The following RARB variants were observed in gnomAD, a reference collection of about 807,000 sequenced individuals.
RARB encodes the protein HBV-activated protein.
In RARB, 17 loss-of-function variants were observed where a neutral mutation model predicts 51.9. The ratio of observed to expected loss-of-function variants is 0.33; its 90% CI spans 0.22 to 0.49. The LOEUF (loss-of-function observed/expected upper bound fraction) is 0.49, where lower values mean the gene tolerates loss of function less well. Among genes scored for constraint, RARB ranks in the 20% least tolerant of loss-of-function variants. The pLI, the probability that RARB is intolerant of heterozygous loss-of-function variation, is 0.99. For missense variants in RARB, 369 were observed against 550.8 expected (o/e 0.67, Z 3.30); for synonymous variants, 215 against 195.4 (o/e 1.10, Z -0.84).
chr3:25,167,399 G>A (rs1002388741), intron 4 of RARB, among the ~76,000 whole-genome samples: 1 of 152,148 alleles, frequency 6.6e-6, no homozygotes, highest in African/African-American at 2.4e-5. Context: ...AACTTTTTTG[G>A]AAGATGGACA....
intron 4 of RARB, among the ~76,000 whole-genome samples, chr3:25,149,882 A>G (rs775608630): frequency 2.2e-4 from 33 of 151,912 alleles, no homozygotes; most frequent in Non-Finnish European, 3.8e-4. Flanking sequence ...ACCCATATGC[A>G]TAAGCAGCAG....
intron 2 of RARB, among the ~76,000 whole-genome samples, chr3:24,942,643 G>A (rs1383032879): frequency 6.6e-6 from 1 of 152,106 alleles, no homozygotes; most frequent in Non-Finnish European, 1.5e-5. Flanking sequence ...CATCTTTGTA[G>A]TCAAGTTCAT....
At chr3:25,416,812 T>C (rs1168151520) in intron 5 of RARB, among the ~76,000 whole-genome samples, 3 of 152,150 alleles carry the variant, frequency 2.0e-5, no homozygotes, top group Non-Finnish European at 4.4e-5. Context: ...ACGTCACTCG[T>C]TTTGTCATGG....
At chr3:25,232,414 A>G (rs893119415) in intron 5 of RARB, among the ~76,000 whole-genome samples, 2 of 152,134 alleles carry the variant, frequency 1.3e-5, no homozygotes, top group African/African-American at 4.8e-5. Flanking sequence ...AAGAATTGGC[A>G]TCTTGGCAAT....
chr3:24,960,540 G>A (rs775435493), intron 2 of RARB, among the ~76,000 whole-genome samples: 8 of 152,168 alleles, frequency 5.3e-5, no homozygotes, highest in African/African-American at 1.9e-4. Flanking sequence ...GCAGAGTAAG[G>A]CAGAGGAAGT....
intron 5 of RARB, among the ~76,000 whole-genome samples, chr3:25,412,996 GCAA>G (rs1575382378): frequency 6.6e-6 from 1 of 151,738 alleles, no homozygotes; most frequent in African/African-American, 2.4e-5. Context: ...TCCAGCCTGG[GCAA>G]CAAGAGCAAA....
intron 4 of RARB, among the ~76,000 whole-genome samples, chr3:25,139,336 T>C (rs1700076549): frequency 6.6e-6 from 1 of 152,106 alleles, no homozygotes; most frequent in Non-Finnish European, 1.5e-5. Flanking sequence ...GGAAGAAAAG[T>C]TCTTGAAGGA....
At chr3:24,932,175 G>A (rs1227485215) in intron 2 of RARB, among the ~76,000 whole-genome samples, 4 of 151,986 alleles carry the variant, frequency 2.6e-5, no homozygotes, top group Admixed American at 1.3e-4. Context: ...AAGTTCGTCG[G>A]CCCTTTCACT....
Position 25,066,744 on chromosome 3 carries a change from C to CA in RARB, c.-328+6568_-328+6569insA, listed in dbSNP as rs548645371. On this transcript the variant is annotated intron_variant, in intron 3 of 11. Transcript: ENST00000383772. Reference sequence around the variant, plus strand: ...AACATTGTAGAAAATTCCAAAAATACCAAAAAAAAACAGAAAAATAAAATA... The same window carrying CA: ...AACATTGTAGAAAATTCCAAAAATACACAAAAAAAAACAGAAAAATAAAATA... 5.1e-3 allele frequency among the ~76,000 whole-genome samples: 745 copies of CA among 145,562 alleles called. 3 individuals are homozygous for CA. Among genetic ancestry groups the CA allele is most frequent in the East Asian group, 0.01 (52 of 5,018 alleles).
chr3:25,146,630 C>A (rs1021977658), intron 4 of RARB, among the ~76,000 whole-genome samples: 1 of 151,800 alleles, frequency 6.6e-6, no homozygotes, highest in East Asian at 1.9e-4. Flanking sequence ...GCCTCAGCCT[C>A]CCCAGTAGCT....
intron 5 of RARB, among the ~76,000 whole-genome samples, chr3:25,351,287 T>C (rs560167560): frequency 1.3e-3 from 193 of 152,214 alleles, no homozygotes; most frequent in African/African-American, 4.4e-3. Context: ...TCTGGTTTGC[T>C]TTCTACTAAT....
intron 2 of RARB, among the ~76,000 whole-genome samples, chr3:24,974,021 C>T (rs904722647): frequency 6.6e-6 from 1 of 152,098 alleles, no homozygotes; most frequent in South Asian, 2.1e-4. Flanking sequence ...ATATTCTTGT[C>T]TTGTTCCAGA....
At chr3:24,999,344 T>G (rs1171067518) in intron 2 of RARB, among the ~76,000 whole-genome samples, 1 of 152,174 alleles carries the variant, frequency 6.6e-6, no homozygotes, top group African/African-American at 2.4e-5. Context: ...AAAAGTGACC[T>G]ATTTCCATGC....
intron 4 of RARB, among the ~76,000 whole-genome samples, chr3:25,149,124 T>C (rs78803095): frequency 1.3e-3 from 196 of 152,280 alleles, no homozygotes; most frequent in African/African-American, 4.6e-3. Context: ...AAAAAATAAT[T>C]ACCACCCATA....
intron 5 of RARB, among the ~76,000 whole-genome samples, chr3:25,317,410 C>T (rs1704456047): frequency 6.6e-6 from 1 of 152,146 alleles, no homozygotes; most frequent in African/African-American, 2.4e-5. Flanking sequence ...GTCATGCTAT[C>T]TCAGATTGAC....
intron 1 of RARB, among the ~76,000 whole-genome samples, chr3:25,443,820 A>G (rs1003414043): frequency 6.6e-6 from 1 of 151,334 alleles, no homozygotes; most frequent in Non-Finnish European, 1.5e-5. Flanking sequence ...AATCCCAGCT[A>G]CTCGGGAGGC....
intron 5 of RARB, among the ~76,000 whole-genome samples, chr3:25,299,075 G>T (rs1405462424): frequency 6.6e-6 from 1 of 152,212 alleles, no homozygotes; most frequent in African/African-American, 2.4e-5. Context: ...TACAAGGTCA[G>T]TGTATTAGCC....
At chr3:25,218,674 A>G (rs1248392038) in intron 5 of RARB, among the ~76,000 whole-genome samples, 2 of 152,164 alleles carry the variant, frequency 1.3e-5, no homozygotes, top group African/African-American at 4.8e-5. Context: ...TTACCTTGCT[A>G]TAGGGTTTGA....
At chr3:25,089,676 GT>G (rs1699163203) in intron 3 of RARB, among the ~76,000 whole-genome samples, 1 of 152,072 alleles carries the variant, frequency 6.6e-6, no homozygotes, top group African/African-American at 2.4e-5. Context: ...ATTTTGGGTT[GT>G]TTTATCTCAG....
Sources: gnomAD v4.1 joint callset for allele counts (sites outside exome capture counted in the v4.1 genomes callset) on GRCh38, gnomAD v4.1.1 for gene constraint, MANE v1.5 for transcripts, NCBI Gene and HGNC (gene_info 2026-07-23, HGNC 2026-07-21) for gene names.